The following RNF216 variants were observed in gnomAD, a reference collection of about 807,000 sequenced individuals.
The protein encoded by RNF216 is E3 ubiquitin-protein ligase RNF216.
In RNF216, 72 loss-of-function variants were observed where a neutral mutation model predicts 110.8. The observed-to-expected ratio is 0.65, with a 90% confidence interval of 0.54 to 0.79. The LOEUF is 0.79. Among genes scored for constraint, RNF216 ranks in the 30% least tolerant of loss-of-function variants. The pLI is 0.00. For missense variants in RNF216, 1,342 were observed against 1,141.2 expected (o/e 1.18, Z -2.54); for synonymous variants, 495 against 407.5 (o/e 1.21, Z -2.59).
chr7:5,774,035 C>G (rs1796642642), intron 1 of RNF216, among the ~76,000 whole-genome samples: 1 of 152,136 alleles, frequency 6.6e-6, no homozygotes, highest in African/African-American at 2.4e-5. Context: ...GAGTGGCACA[C>G]CAGTGGCCCC....
At chr7:5,657,125 T>C (rs1788795838) in intron 13 of RNF216, among the ~76,000 whole-genome samples, 1 of 152,238 alleles carries the variant, frequency 6.6e-6, no homozygotes, top group African/African-American at 2.4e-5. Context: ...TACAAACTGC[T>C]CCCTTACTTT....
intron 3 of RNF216, among the ~76,000 whole-genome samples, chr7:5,744,890 T>G (rs1049976639): frequency 1.3e-5 from 2 of 152,026 alleles, no homozygotes; most frequent in African/African-American, 4.8e-5. Flanking sequence ...CAGAATCACT[T>G]GAACCTGGGA....
chr7:5,732,275 C>T (rs1248706649), intron 5 of RNF216, among the ~76,000 whole-genome samples: 1 of 152,168 alleles, frequency 6.6e-6, no homozygotes, highest in Admixed American at 6.5e-5. Flanking sequence ...AAAATCGCGT[C>T]TGTAGGGAAA....
chr7:5,734,964 A>C (rs1794309008), intron 5 of RNF216, among the ~76,000 whole-genome samples: 1 of 152,016 alleles, frequency 6.6e-6, no homozygotes, highest in Admixed American at 6.6e-5. Context: ...CAGCCTGGCC[A>C]ACATGGTGAA....
intron 13 of RNF216, among the ~76,000 whole-genome samples, chr7:5,700,039 C>A (rs1461993053): frequency 6.6e-6 from 1 of 152,226 alleles, no homozygotes; most frequent in African/African-American, 2.4e-5. Context: ...TTGCTCGATG[C>A]CCTAAACACT....
At position 5,715,181 on chromosome 7, in the gene RNF216, G is replaced by A. The variant is rs1792967016; in HGVS notation, c.1705C>T (p.Leu569=). The change falls in exon 11 of 17, where the codon CTG becomes TTG. Residue 569 remains leucine, a synonymous_variant. Transcript: ENST00000389902. ...NEEQYQKDGQ[L]IECRCCYGEF... is the part of the protein sequence containing the mutation. ...CCATAGCAGCAGCGACACTCAATCA[G>A]CTGGCCATCCTGCAGGCAGTCAAGA... 2.5e-6 allele frequency: 4 copies of A among 1,612,782 alleles called. No homozygotes were observed. The highest frequency in any genetic ancestry group is 1.3e-5 in the African/African-American group (1 of 74,924).
intron 3 of RNF216, among the ~76,000 whole-genome samples, chr7:5,748,041 C>G (rs183931447): frequency 3.9e-5 from 6 of 152,200 alleles, no homozygotes; most frequent in South Asian, 4.1e-4. Context: ...CAAGAAAAAT[C>G]AAACTGTTGC....
At chr7:5,769,628 G>A (rs967603980) in intron 1 of RNF216, among the ~76,000 whole-genome samples, 2 of 152,090 alleles carry the variant, frequency 1.3e-5, no homozygotes, top group South Asian at 2.1e-4. Context: ...GGAGGCCGGG[G>A]AGGGAGGACT....
intron 1 of RNF216, among the ~76,000 whole-genome samples, chr7:5,775,516 TG>T (rs1244703041): frequency 6.6e-6 from 1 of 152,098 alleles, no homozygotes; most frequent in Non-Finnish European, 1.5e-5. Flanking sequence ...GCAACAGATT[TG>T]GGGGTCACTA....
In RNF216 at chr7:5,627,065, C is replaced by T. The variant is rs112825145; in HGVS notation, c.2383-2940G>A. Among the ~76,000 whole-genome samples the T allele has an allele frequency of 3.9e-5, 6 of 152,324 alleles. No homozygotes were observed. The South Asian group carries it at 1.0e-3, about 26-fold the overall frequency. On this transcript the variant is annotated intron_variant, in intron 15 of 16. Coordinates refer to ENST00000389902, the MANE Select transcript of RNF216 (RefSeq NM_207111.4). ...CCGCATCTCCTCGATGCAGTTACAC[C>T]ATCAGTCCCCAAGGGACACTTATGG...
intron 13 of RNF216, among the ~76,000 whole-genome samples, chr7:5,663,696 C>T (rs921500033): frequency 1.1e-4 from 17 of 150,112 alleles, no homozygotes; most frequent in East Asian, 9.8e-4. Flanking sequence ...GTCAGGAGTT[C>T]GAGACCAGCC....
Position 5,620,890 on chromosome 7 carries a change from C to T in RNF216, c.*1970G>A, listed in dbSNP as rs1053236625. 10 of 152,402 alleles carry T rather than the reference C, an allele frequency of 6.6e-5. No homozygotes were observed. Among genetic ancestry groups the T allele is most frequent in the East Asian group, 5.8e-4 (3 of 5,186 alleles). The allele number at this position is 152,402 out of a possible 1,614,324, so 9.4% of individuals were successfully genotyped here. ...CCTCTTCAGCTGTGATGTCTACAGC[C>T]GCCCTCTGCTCCCAGAGATCCTCCC... On this transcript the variant is annotated 3_prime_UTR_variant, in exon 17 of 17. Transcript: ENST00000389902.
At chr7:5,708,233 T>A (rs1482506523) in intron 13 of RNF216, among the ~76,000 whole-genome samples, 1 of 152,248 alleles carries the variant, frequency 6.6e-6, no homozygotes, top group Non-Finnish European at 1.5e-5. Context: ...GCTAGAATAT[T>A]TTGTATGTGT....
chr7:5,735,344 C>G (rs1794333373), intron 5 of RNF216, among the ~76,000 whole-genome samples: 2 of 151,994 alleles, frequency 1.3e-5, no homozygotes, highest in South Asian at 4.2e-4. Context: ...AACTAGGCAC[C>G]ATGGGAGCCA....
rs112351486 is a variant in RNF216 at position 5,779,269 on chromosome 7, G to C, written c.-70+2272C>G. Among the ~76,000 whole-genome samples the C allele has an allele frequency of 2.0e-4, 31 of 152,132 alleles. 2 individuals are homozygous for C. Among genetic ancestry groups the C allele is most frequent in the African/African-American group, 5.8e-4 (24 of 41,488 alleles). ...CCCTTCTTTATCAGATTTCTCCACA[G>C]GGGCTTCAGGAGTTCTCTTTTATTA... On this transcript the variant is annotated intron_variant, in intron 1 of 16. Coordinates refer to ENST00000389902, the MANE Select transcript of RNF216 (RefSeq NM_207111.4).
At chr7:5,685,954 G>T (rs1333740550) in intron 13 of RNF216, among the ~76,000 whole-genome samples, 1 of 152,148 alleles carries the variant, frequency 6.6e-6, no homozygotes, top group Non-Finnish European at 1.5e-5. Context: ...CGGGCGCGGT[G>T]GCTCACACCT....
In RNF216 at chr7:5,624,190, A is replaced by G; in HGVS notation, c.2383-65T>C. 7.1e-7 allele frequency: 1 copy of G among 1,399,520 alleles called. No individual in the cohort carries two copies. Among genetic ancestry groups the G allele is most frequent in the Non-Finnish European group, 1.0e-6 (1 of 1,000,264 alleles). The allele number at this position is 1,399,520 out of a possible 1,614,324, so 86.7% of individuals were successfully genotyped here. ...ATGCAGTGCTGAGGCCCCGTGGGACAGTGAGGAGGCCGCTTGTTGCTTATG... is the reference window on the plus strand; with the variant it reads ...ATGCAGTGCTGAGGCCCCGTGGGACGGTGAGGAGGCCGCTTGTTGCTTATG... On this transcript the variant is annotated intron_variant, in intron 15 of 16. Coordinates refer to ENST00000389902, the MANE Select transcript of RNF216 (RefSeq NM_207111.4). This position sits in a 1 kb window ranked among gnomAD's most constrained non-coding sequence, Gnocchi z 4.4.
chr7:5,741,012 C>A lies in RNF216; in HGVS notation c.1005G>T (p.Glu335Asp). The change falls in exon 4 of 17, where the codon GAG becomes GAT. Residue 335 changes from glutamate to aspartate, a missense_variant. Transcript: ENST00000389902. The part of the protein sequence containing the change: ...LENIWGQEAA[E>D]VDQELVELLV... ...GTAGTTCAACGAGCTCTTGATCTACCTCTGCAGCTTCTTGCCCCCAAATGT... is the reference window on the plus strand; with the variant it reads ...GTAGTTCAACGAGCTCTTGATCTACATCTGCAGCTTCTTGCCCCCAAATGT... 6.2e-7 allele frequency: 1 copy of A among 1,612,880 alleles called. No individual in the cohort carries two copies. The highest frequency in any genetic ancestry group is 8.5e-7 in the Non-Finnish European group (1 of 1,179,634).
chr7:5,744,421 G>T (rs1459623225), intron 3 of RNF216, among the ~76,000 whole-genome samples: 1 of 152,106 alleles, frequency 6.6e-6, no homozygotes, highest in Non-Finnish European at 1.5e-5. Context: ...TAGAAGAGAA[G>T]AAGCTGTTTC....
Sources: gnomAD v4.1 joint callset for allele counts (sites outside exome capture counted in the v4.1 genomes callset) on GRCh38, gnomAD v4.1.1 for gene constraint, Gnocchi (gnomAD v3.1) non-coding constraint, MANE v1.5 for transcripts, NCBI Gene and HGNC (gene_info 2026-07-23, HGNC 2026-07-21) for gene names.